Variants in LRRC57 observed in about 807,000 individuals in gnomAD.
LRRC57 encodes the protein leucine-rich repeat-containing protein 57.
Under a neutral mutation model 23.1 loss-of-function variants are expected in LRRC57, and 14 were observed. That is an observed-to-expected ratio of 0.61 (90% CI 0.40 to 0.95). The LOEUF is 0.95. LRRC57 is among the 40% of genes least tolerant of loss of function. LRRC57 has a pLI of 0.00. For missense variants in LRRC57, 236 were observed against 284.4 expected (o/e 0.83, Z 1.22); for synonymous variants, 106 against 115.2 (o/e 0.92, Z 0.51).
At chr15:42,529,544 T>A in the LRRC57 span, 1 of 840,034 alleles carries the variant, frequency 1.2e-6, no homozygotes, top group Non-Finnish European at 1.8e-6. Flanking sequence ...TTCCCAGGAA[T>A]GGTAACCTAT....
chr15:42,528,532 C>T, the LRRC57 span: 5 of 1,083,308 alleles, frequency 4.6e-6, no homozygotes, highest in East Asian at 5.1e-5. Flanking sequence ...TGTATTTATT[C>T]CATTTTTAAA....
the LRRC57 span, chr15:42,528,509 A>C: frequency 8.3e-7 from 1 of 1,205,154 alleles, no homozygotes; most frequent in African/African-American, 1.5e-5. Flanking sequence ...CCCCTAATAA[A>C]ACAAATAAAA....
At chr15:42,547,633 T>C in intron 3 of LRRC57, 104 bp from the exon 4 acceptor site, 1 of 1,060,974 alleles carries the variant, frequency 9.4e-7, no homozygotes, top group Non-Finnish European at 1.4e-6. Context: ...CTCTTGTTAA[T>C]ATATGTAAAA....
At position 42,548,093 on chromosome 15, in the gene LRRC57, G is replaced by C. The variant is rs1428993515; in HGVS notation, c.223+13C>G. 1 of 1,613,960 alleles carries C rather than the reference G, an allele frequency of 6.2e-7. No individual in the cohort carries two copies. The highest frequency in any genetic ancestry group is 2.2e-5 in the East Asian group (1 of 44,878). On this transcript the variant is annotated intron_variant, in intron 3 of 5. Coordinates refer to ENST00000397130, the MANE Select transcript of LRRC57 (RefSeq NM_153260.3). ...CTGATCACTAGCAAAAGCCTCCCTG[G>C]CGAGAGCCATACTCAGTTTGTTGTT...
intron 5 of LRRC57, 85 bp downstream of exon 5, chr15:42,544,992 T>C (rs1186985826): frequency 3.0e-6 from 3 of 1,016,102 alleles, no homozygotes; most frequent in East Asian, 2.7e-5. Context: ...CCTGTTGACA[T>C]GAGCTATAAA....
At chr15:42,529,488 T>C in the LRRC57 span, among the ~76,000 whole-genome samples, 1 of 152,376 alleles carries the variant, frequency 6.6e-6, no homozygotes, top group African/African-American at 2.4e-5. Flanking sequence ...GGCTTTAAGA[T>C]ACTGTGCTCT....
rs2057641881 is a variant in LRRC57 at position 42,543,534 on chromosome 15, CATTT to C, written c.*545_*548del. 1 of 152,276 alleles carries C rather than the reference CATTT, an allele frequency of 6.6e-6. No individual in the cohort carries two copies. The highest frequency in any genetic ancestry group is 1.5e-5 in the Non-Finnish European group (1 of 68,108). The allele number at this position is 152,276 out of a possible 1,614,324, so 9.4% of individuals were successfully genotyped here. On this transcript the variant is annotated 3_prime_UTR_variant, in exon 6 of 6. Coordinates refer to ENST00000397130, the MANE Select transcript of LRRC57 (RefSeq NM_153260.3). ...CTTTTAATCAAGACAAACAGTCACA[CATTT>C]ATGTACATCCTAAAGTCCTAGTATA...
At position 42,548,745 on chromosome 15, in the gene LRRC57, A is replaced by G. The variant is rs549630239; in HGVS notation, c.-75T>C. Reference sequence around the variant, plus strand: ...CCGCAGGTGAAGACCCAGGACCCGCAGTAGCCGGGATGCGCTCCCCGGCTT... The same window carrying G: ...CCGCAGGTGAAGACCCAGGACCCGCGGTAGCCGGGATGCGCTCCCCGGCTT... On this transcript the variant is annotated 5_prime_UTR_variant, in exon 1 of 6. Transcript: ENST00000397130. 1.4e-6 allele frequency: 1 copy of G among 694,300 alleles called. No individual in the cohort carries two copies. The highest frequency in any genetic ancestry group is 1.9e-5 in the South Asian group (1 of 53,858). 43.0% of individuals were successfully genotyped at this position (694,300 alleles called of 1,614,324 possible). A position where few individuals can be genotyped will look rare whatever the true frequency, so the allele number is the denominator to read the frequency against.
At position 42,542,170 on chromosome 15, in the gene LRRC57, T is replaced by A. The variant is rs2057633699; in HGVS notation, c.*1913A>T. ...TTCAAGCAATTCTCCTGCCTCAGCCTCCTGAGTATCTGGGATTACAGGCAC... is the reference window on the plus strand; with the variant it reads ...TTCAAGCAATTCTCCTGCCTCAGCCACCTGAGTATCTGGGATTACAGGCAC... On this transcript the variant is annotated 3_prime_UTR_variant, in exon 6 of 6. Coordinates refer to ENST00000397130, the MANE Select transcript of LRRC57 (RefSeq NM_153260.3). The A allele has an allele frequency of 6.6e-6, 1 of 151,782 alleles. No individual in the cohort carries two copies. Among genetic ancestry groups the A allele is most frequent in the African/African-American group, 2.4e-5 (1 of 41,220 alleles). 9.4% of individuals were successfully genotyped at this position (151,782 alleles called of 1,614,324 possible).
At chr15:42,528,431 T>TC in the LRRC57 span, 1 of 1,613,758 alleles carries the variant, frequency 6.2e-7, no homozygotes, top group Non-Finnish European at 8.5e-7. Flanking sequence ...GTATGCCAAC[T>TC]CCTCCTGATA....
intron 2 of LRRC57, 26 bp downstream of exon 2, chr15:42,548,325 C>A: frequency 6.2e-7 from 1 of 1,614,138 alleles, no homozygotes; most frequent in Non-Finnish European, 8.5e-7. Context: ...CTTTAAGTTC[C>A]CTGGTCGTGT....
chr15:42,533,808 G>T (rs1305423164), downstream of LRRC57, among the ~76,000 whole-genome samples: 1 of 152,226 alleles, frequency 6.6e-6, no homozygotes, highest in African/African-American at 2.4e-5. Flanking sequence ...TTGCAATGAA[G>T]TGAGGCACAT....
Position 42,548,753 on chromosome 15 carries a change from G to A in LRRC57, c.-83C>T, listed in dbSNP as rs2057682017. The A allele has an allele frequency of 2.7e-6, 2 of 732,868 alleles. No homozygotes were observed. The highest frequency in any genetic ancestry group is 4.4e-6 in the Non-Finnish European group (2 of 451,004). The allele number at this position is 732,868 out of a possible 1,614,324, so 45.4% of individuals were successfully genotyped here. On this transcript the variant is annotated 5_prime_UTR_variant, in exon 1 of 6. Coordinates refer to ENST00000397130, the MANE Select transcript of LRRC57 (RefSeq NM_153260.3). ...GAAGACCCAGGACCCGCAGTAGCCG[G>A]GATGCGCTCCCCGGCTTAGTCCCGG...
downstream of LRRC57, chr15:42,532,948 A>G (rs1372189640): frequency 1.3e-5 from 2 of 152,644 alleles, no homozygotes; most frequent in African/African-American, 4.8e-5. Context: ...TCTGATTGGT[A>G]TTTGTCACAT....
the LRRC57 span, chr15:42,528,488 G>T: frequency 6.9e-6 from 10 of 1,451,850 alleles, no homozygotes; most frequent in Admixed American, 8.6e-5. Context: ...GATGAGTTTA[G>T]CAGTACATGA....
rs2057630029 is a variant in LRRC57, at chr15:42,541,672, GA to G, written c.*2410del. 6.6e-6 allele frequency: 1 copy of G among 151,990 alleles called. No homozygotes were observed. Among genetic ancestry groups the G allele is most frequent in the South Asian group, 2.1e-4 (1 of 4,818 alleles). The allele number at this position is 151,990 out of a possible 1,614,324, so 9.4% of individuals were successfully genotyped here. Reference sequence around the variant, plus strand: ...TAGTTAGTAATAGCTTTGTGACTAAGATAAAATCAGAAAATGACCAAAATGG... The same window carrying G: ...TAGTTAGTAATAGCTTTGTGACTAAGTAAAATCAGAAAATGACCAAAATGG... On this transcript the variant is annotated 3_prime_UTR_variant, in exon 6 of 6. Transcript: ENST00000397130.
chr15:42,540,181 G>A lies in LRRC57; in HGVS notation c.*3902C>T, dbSNP rs1404346323. The A allele has an allele frequency of 6.8e-6, 1 of 146,460 alleles. No homozygotes were observed. Among genetic ancestry groups the A allele is most frequent in the Non-Finnish European group, 1.5e-5 (1 of 67,342 alleles). The allele number at this position is 146,460 out of a possible 1,614,324, so 9.1% of individuals were successfully genotyped here. A position where few individuals can be genotyped will look rare whatever the true frequency, so the allele number is the denominator to read the frequency against. On this transcript the variant is annotated 3_prime_UTR_variant, in exon 6 of 6. Transcript: ENST00000397130. Reference sequence around the variant, plus strand: ...ATTGTACTCCAGCGTGGGCAAGAGTGAGCCTCTGGACCAAAAAAAAAAAAA... The same window carrying A: ...ATTGTACTCCAGCGTGGGCAAGAGTAAGCCTCTGGACCAAAAAAAAAAAAA...
At chr15:42,547,238 A>G (rs754300887) in intron 4 of LRRC57, 23 bp downstream of exon 4, 24 of 1,607,648 alleles carry the variant, frequency 1.5e-5, no homozygotes, top group Non-Finnish European at 1.8e-5. Context: ...TGCTGTAGGA[A>G]AAAAAACCTT....
chr15:42,531,609 G>A, the LRRC57 span: 14 of 605,904 alleles, frequency 2.3e-5, no homozygotes, highest in Admixed American at 4.2e-4. Flanking sequence ...AAGGGCCAGA[G>A]CAGTTACAGC....
Sources: allele counts gnomAD v4.1 joint callset (sites outside exome capture counted in the v4.1 genomes callset), GRCh38; gene constraint gnomAD v4.1.1; transcripts MANE v1.5; gene names NCBI Gene and HGNC (gene_info 2026-07-23, HGNC 2026-07-21).